ODAM: variants seen among roughly 807,000 people sequenced by gnomAD.
ODAM encodes the protein odontogenic ameloblast-associated protein.
A neutral mutation model predicts 48.5 loss-of-function variants in ODAM; 55 were observed. That is an observed-to-expected ratio of 1.13 (90% confidence interval 0.91 to 1.42). The LOEUF is 1.42. ODAM is among the 40% of genes most tolerant of loss of function. ODAM has a pLI of 0.00. For synonymous variants in ODAM, 127 were observed against 107.8 expected (o/e 1.18, Z -1.10); for missense variants, 353 against 323.6 (o/e 1.09, Z -0.70).
At chr4:70,196,240 A>G (rs1246921087) in intron 1 of ODAM, among the ~76,000 whole-genome samples, 3 of 151,978 alleles carry the variant, frequency 2.0e-5, no homozygotes, top group South Asian at 2.1e-4. Flanking sequence ...GGAGGAGATC[A>G]TCTTGTTCTT....
intron 1 of ODAM, among the ~76,000 whole-genome samples, chr4:70,196,227 C>T (rs984450336): frequency 6.6e-6 from 1 of 151,890 alleles, no homozygotes; most frequent in Admixed American, 6.6e-5. Flanking sequence ...TAGGGCAGCA[C>T]TAGGAGGAGA....
chr4:70,199,287 A>G (rs1413414026), intron 6 of ODAM, among the ~76,000 whole-genome samples: 1 of 152,010 alleles, frequency 6.6e-6, no homozygotes, highest in Non-Finnish European at 1.5e-5. Flanking sequence ...AATAAATTAT[A>G]TTACTCATCA....
At position 70,196,657 on chromosome 4, in the gene ODAM, A is replaced by G. The variant is rs751349409; in HGVS notation, c.52-35A>G. The G allele has an allele frequency of 2.5e-6, 4 of 1,600,140 alleles. No homozygotes were observed. The South Asian group carries it at 3.4e-5, about 14-fold the overall frequency. ...AAACCTTCAACAATCCCTTCTTTTTACTATTTCTGATTTTTTTTTCATTTT... is the reference window on the plus strand; with the variant it reads ...AAACCTTCAACAATCCCTTCTTTTTGCTATTTCTGATTTTTTTTTCATTTT... On this transcript the variant is annotated intron_variant, in intron 2 of 11. Transcript: ENST00000683306.
intron 6 of ODAM, chr4:70,200,150 G>A (rs1184384404): frequency 2.3e-6 from 1 of 443,392 alleles, no homozygotes; most frequent in African/African-American, 2.0e-5. Flanking sequence ...AAAATATAGG[G>A]TAAGTGCTAC....
At chr4:70,198,691 T>G in intron 6 of ODAM, 65 bp downstream of exon 6, 1 of 1,294,824 alleles carries the variant, frequency 7.7e-7, no homozygotes, top group South Asian at 1.2e-5. Context: ...TGCTTTCTAT[T>G]TCTAGCTCTG....
rs762302923 is a variant in ODAM, at chr4:70,196,540, G to A, written c.-4G>A. The A allele has an allele frequency of 2.9e-5, 46 of 1,567,736 alleles. No individual in the cohort carries two copies. Among genetic ancestry groups the A allele is most frequent in the Middle Eastern group, 1.8e-4 (1 of 5,688 alleles). ...AACTTATTTTCTAGATATATCATAC[G>A]AAAATGAAAATTATAATTCTTCTTG... On this transcript the variant is annotated 5_prime_UTR_variant, in exon 2 of 12. Coordinates refer to ENST00000683306, the MANE Select transcript of ODAM (RefSeq NM_017855.4).
chr4:70,200,752 T>C (rs565158563), intron 7 of ODAM, 151 bp downstream of exon 7: 59 of 487,420 alleles, frequency 1.2e-4, no homozygotes, highest in Non-Finnish European at 2.0e-4. Flanking sequence ...GGTATAGTGT[T>C]CTCGGCTATA....
intron 10 of ODAM, 30 bp downstream of exon 10, chr4:70,202,947 A>G (rs1475864508): frequency 1.3e-6 from 2 of 1,579,228 alleles, no homozygotes; most frequent in Non-Finnish European, 1.7e-6. Flanking sequence ...ACTTTATGCA[A>G]AAAAATTGTC....
chr4:70,198,031 T>G lies in ODAM; in HGVS notation c.249T>G (p.Phe83Leu), dbSNP rs757196200. Reference protein sequence around the residue: ...SQFSLSALDQFAGLLPNQIPL... With the variant: ...SQFSLSALDQLAGLLPNQIPL... The stretch of plus-strand genomic sequence containing the variant: ...TCTCTTTATCAGCTCTAGACCAGTT[T>G]GCTGGACTGCTCCCAAATCAGATAC... The change falls in exon 5 of 12, where the codon TTT becomes TTG. Residue 83 changes from phenylalanine to leucine, a missense_variant. Physicochemically the swap from Phe to Leu is conservative, Grantham distance 22. Coordinates refer to ENST00000683306, the MANE Select transcript of ODAM (RefSeq NM_017855.4). 7.4e-6 allele frequency: 12 copies of G among 1,613,208 alleles called. No individual in the cohort carries two copies. Among genetic ancestry groups the G allele is most frequent in the Non-Finnish European group, 1.0e-5 (12 of 1,179,534 alleles).
chr4:70,198,964 G>T (rs1167499058), intron 6 of ODAM, among the ~76,000 whole-genome samples: 1 of 151,994 alleles, frequency 6.6e-6, no homozygotes, highest in Non-Finnish European at 1.5e-5. Context: ...ACCATGGGCT[G>T]ACTTTATCCA....
intron 4 of ODAM, 74 bp from the exon 5 acceptor site, chr4:70,197,850 T>A: frequency 1.6e-6 from 2 of 1,230,106 alleles, no homozygotes; most frequent in Non-Finnish European, 2.3e-6. Context: ...TTTGCCTCTT[T>A]CTTGCTCAGG....
At position 70,202,770 on chromosome 4, in the gene ODAM, G is replaced by C; in HGVS notation, c.663G>C (p.Glu221Asp). 6.2e-7 allele frequency: 1 copy of C among 1,610,316 alleles called. No homozygotes were observed. The highest frequency in any genetic ancestry group is 1.1e-5 in the South Asian group (1 of 90,706). ...ATTCTCTGTAGTCAACAGGAGAAGAGATACCATATTTACAAAAAGAAGCGA... is the reference window on the plus strand; with the variant it reads ...ATTCTCTGTAGTCAACAGGAGAAGACATACCATATTTACAAAAAGAAGCGA... ...PEIAVMSTGE[E>D]IPYLQKEAIN... The change falls in exon 10 of 12, where the codon GAG (glutamate) becomes GAC (aspartate). Residue 221 changes from glutamate to aspartate, a missense_variant. Glu to Asp is a conservative substitution (Grantham distance 45, BLOSUM62 2). Coordinates refer to ENST00000683306, the MANE Select transcript of ODAM (RefSeq NM_017855.4).
rs1560482791 is a variant in ODAM at position 70,197,652 on chromosome 4, T to C, written c.142-272T>C. ...GGTTTAGGGTTAAGGTAGGGGAAAATACAGACGGTTTAAAACCAGTGTGGC... is the reference window on the plus strand; with the variant it reads ...GGTTTAGGGTTAAGGTAGGGGAAAACACAGACGGTTTAAAACCAGTGTGGC... On this transcript the variant is annotated intron_variant, in intron 4 of 11. Transcript: ENST00000683306. 5.5e-6 allele frequency: 3 copies of C among 543,978 alleles called. No individual in the cohort carries two copies. In the East Asian group the frequency reaches 9.6e-5, roughly 17 times the overall value. 33.7% of individuals were successfully genotyped at this position (543,978 alleles called of 1,614,324 possible). A position where few individuals can be genotyped will look rare whatever the true frequency, so the allele number is the denominator to read the frequency against.
chr4:70,202,374 T>A (rs754471799), intron 9 of ODAM, 45 bp downstream of exon 9: 1 of 1,417,384 alleles, frequency 7.1e-7, no homozygotes, highest in Admixed American at 1.7e-5. Context: ...AAATCAACAA[T>A]TGACAACTTA....
rs780334161 is a variant in ODAM, at chr4:70,196,607, A to G, written c.51+13A>G. 3 of 1,593,572 alleles carry G rather than the reference A, an allele frequency of 1.9e-6. No homozygotes were observed. The highest frequency in any genetic ancestry group is 2.6e-6 in the Non-Finnish European group (3 of 1,163,944). ...ATTGTCAGCCCCAGTAAGTGATTTT[A>G]TGGCACTACTAGTCCCACTGTGTTA... On this transcript the variant is annotated intron_variant, in intron 2 of 11. Transcript: ENST00000683306.
chr4:70,197,146 GA>G, intron 3 of ODAM, 127 bp from the exon 4 acceptor site: 2 of 623,784 alleles, frequency 3.2e-6, no homozygotes. Flanking sequence ...AGCCTAGTGA[GA>G]AAATGTCCCA....
chr4:70,200,506 T>A lies in ODAM; in HGVS notation c.433T>A (p.Tyr145Asn). 6.3e-7 allele frequency: 1 copy of A among 1,595,324 alleles called. No individual in the cohort carries two copies. The highest frequency in any genetic ancestry group is 8.6e-7 in the Non-Finnish European group (1 of 1,164,724). The change falls in exon 7 of 12, where the codon TAC becomes AAC. Residue 145 changes from tyrosine (Y) to asparagine (N), a missense_variant. Transcript: ENST00000683306. The stretch of plus-strand genomic sequence containing the variant: ...CTCTTTTTACAAGTAGATGTTTCAA[T>A]ACTATCCAGTTTACATGGTCCTACC... The part of the protein sequence containing the change: ...MPQEQGQMFQ[Y>N]YPVYMVLPWE...
At position 70,202,273 on chromosome 4, in the gene ODAM, C is replaced by G; in HGVS notation, c.592C>G (p.Gln198Glu). 6.2e-7 allele frequency: 1 copy of G among 1,611,678 alleles called. No individual in the cohort carries two copies. Among genetic ancestry groups the G allele is most frequent in the Non-Finnish European group, 8.5e-7 (1 of 1,178,426 alleles). Reference protein sequence around the residue: ...QLAEPAISGGQQQLAFDPQLG... With the variant: ...QLAEPAISGGEQQLAFDPQLG... ...GTGTTTTTAGGCTATATCAGGAGGACAGCAGCAACTAGCTTTTGATCCCCA... is the reference window on the plus strand; with the variant it reads ...GTGTTTTTAGGCTATATCAGGAGGAGAGCAGCAACTAGCTTTTGATCCCCA... The change falls in exon 9 of 12, where the codon CAG becomes GAG. Residue 198 changes from glutamine to glutamate, a missense_variant. By Grantham distance (29) the Gln-to-Glu change is conservative. Transcript: ENST00000683306.
Position 70,195,828 on chromosome 4 carries a change from G to A in ODAM, c.-16+35G>A, listed in dbSNP as rs1000248637. 19 of 905,886 alleles carry A rather than the reference G, an allele frequency of 2.1e-5. No homozygotes were observed. The South Asian group carries it at 6.1e-4, about 29-fold the overall frequency. The allele number at this position is 905,886 out of a possible 1,614,324, so 56.1% of individuals were successfully genotyped here. On this transcript the variant is annotated intron_variant, in intron 1 of 11. Transcript: ENST00000683306. ...CAAATCTTTGCTTTTATAGTTTGAA[G>A]AACCAAAATCAGTGAAATCTGCAGG...
Sources: gnomAD v4.1 joint callset for allele counts (sites outside exome capture counted in the v4.1 genomes callset) on GRCh38, gnomAD v4.1.1 for gene constraint, MANE v1.5 for transcripts, NCBI Gene and HGNC (gene_info 2026-07-23, HGNC 2026-07-21) for gene names.